Variants in CACNA1A observed in about 807,000 individuals in gnomAD.
The protein encoded by CACNA1A is voltage-dependent P/Q-type calcium channel subunit alpha-1A.
In CACNA1A, 57 loss-of-function variants were observed where a neutral mutation model predicts 262.4. The observed-to-expected ratio is 0.22, with a 90% CI of 0.18 to 0.27. CACNA1A has a LOEUF of 0.27. Among genes scored for constraint, CACNA1A ranks in the 10% least tolerant of loss-of-function variants. The pLI is 1.00. For synonymous variants in CACNA1A, 1,431 were observed against 1,419.3 expected (o/e 1.01, Z -0.18); for missense variants, 2,526 against 3,562.8 (o/e 0.71, Z 7.41).
intron 3 of CACNA1A, among the ~76,000 whole-genome samples, chr19:13,390,658 T>C (rs1249322524): frequency 6.7e-6 from 1 of 149,712 alleles, no homozygotes; most frequent in African/African-American, 2.5e-5. Context: ...CCCTGATCAA[T>C]TTTTTTTTTA....
intron 38 of CACNA1A, among the ~76,000 whole-genome samples, chr19:13,219,198 C>T (rs1381820634): frequency 3.3e-5 from 5 of 150,620 alleles, no homozygotes; most frequent in Admixed American, 1.3e-4. Context: ...CCAGCCACCA[C>T]GCCTGGCTAA....
intron 3 of CACNA1A, among the ~76,000 whole-genome samples, chr19:13,413,386 G>A (rs1489378548): frequency 2.0e-5 from 3 of 151,278 alleles, no homozygotes; most frequent in South Asian, 2.1e-4. Flanking sequence ...GATTACAGGT[G>A]TGAGCCACCG....
intron 12 of CACNA1A, among the ~76,000 whole-genome samples, chr19:13,310,517 G>GT (rs2058011744): frequency 2.4e-5 from 2 of 83,856 alleles, no homozygotes; most frequent in African/African-American, 4.8e-5. Flanking sequence ...TATATATGTA[G>GT]AGAGAGAGAG....
chr19:13,447,515 T>C (rs1599475660), intron 3 of CACNA1A, among the ~76,000 whole-genome samples: 1 of 152,164 alleles, frequency 6.6e-6, no homozygotes, highest in East Asian at 1.9e-4. Context: ...ACAGGATAGA[T>C]GTATATATGA....
intron 18 of CACNA1A, among the ~76,000 whole-genome samples, chr19:13,299,809 C>A (rs189562819): frequency 6.6e-6 from 1 of 152,290 alleles, no homozygotes; most frequent in East Asian, 1.9e-4. Flanking sequence ...CAGTCCCCAA[C>A]CTTTTTGGCA....
At chr19:13,335,940 G>A in intron 6 of CACNA1A, 31 bp from the exon 7 acceptor site, 1 of 1,325,816 alleles carries the variant, frequency 7.5e-7, no homozygotes, top group South Asian at 1.2e-5. Context: ...AAGCAGGTGA[G>A]AGTTGACTGG....
At position 13,213,672 on chromosome 19, in the gene CACNA1A, C is replaced by CTTTTTTTTTT. The variant is rs3050829; in HGVS notation, c.5940+551_5940+560dup. Reference sequence around the variant, plus strand: ...CCACATGATGTGTCCTTGGCAAGAACTTTTTTTTTTTTTTTTTTTTTTTTT... The same window carrying CTTTTTTTTTT: ...CCACATGATGTGTCCTTGGCAAGAACTTTTTTTTTTTTTTTTTTTTTTTTTTTTTTTTTTT... On this transcript the variant is annotated intron_variant, in intron 40 of 46. Transcript: ENST00000360228. 19 of 87,680 alleles carry CTTTTTTTTTT rather than the reference C, an allele frequency of 2.2e-4. 2 individuals carry two copies. Among genetic ancestry groups the CTTTTTTTTTT allele is most frequent in the African/African-American group, 6.9e-4 (15 of 21,850 alleles). The allele number at this position is 87,680 out of a possible 1,614,324, so 5.4% of individuals were successfully genotyped here.
chr19:13,406,446 C>G (rs1319190631), intron 3 of CACNA1A, among the ~76,000 whole-genome samples: 4 of 118,478 alleles, frequency 3.4e-5, no homozygotes, highest in Non-Finnish European at 6.7e-5. Context: ...CAGAGGGAGA[C>G]TCTGTCTCAA....
intron 3 of CACNA1A, among the ~76,000 whole-genome samples, chr19:13,405,434 G>A (rs1806344743): frequency 6.6e-6 from 1 of 151,998 alleles, no homozygotes; most frequent in Admixed American, 6.6e-5. Flanking sequence ...TCGAACTCCC[G>A]TGCTCAAGCA....
At chr19:13,503,415 CTTTA>C (rs1271240516) in intron 1 of CACNA1A, among the ~76,000 whole-genome samples, 1 of 151,676 alleles carries the variant, frequency 6.6e-6, no homozygotes, top group Non-Finnish European at 1.5e-5. Flanking sequence ...ATATATTAGA[CTTTA>C]TTTAAGTACC....
At chr19:13,473,921 G>A (rs1435280953) in intron 1 of CACNA1A, among the ~76,000 whole-genome samples, 1 of 152,072 alleles carries the variant, frequency 6.6e-6, no homozygotes, top group African/African-American at 2.4e-5. Flanking sequence ...GAAAGCCCCG[G>A]CCTCCCAATG....
chr19:13,253,316 CTTT>C (rs34069029), intron 29 of CACNA1A, among the ~76,000 whole-genome samples: 34 of 134,820 alleles, frequency 2.5e-4, no homozygotes, highest in Admixed American at 3.0e-4. Flanking sequence ...CTCCCCCAAC[CTTT>C]TTTTTTTTTT....
At position 13,359,813 on chromosome 19, in the gene CACNA1A, G is replaced by C; in HGVS notation, c.785-14C>G. On this transcript the variant is annotated splice_polypyrimidine_tract_variant and intron_variant, in intron 5 of 46. Coordinates refer to ENST00000360228, the MANE Select transcript of CACNA1A (RefSeq NM_001127222.2). ...CCTGAATGTCATCTACAAAAGGGAA[G>C]GGGAGAAAAGTCAGGGGAAGGAGCA... 1 of 1,490,924 alleles carries C rather than the reference G, an allele frequency of 6.7e-7. No individual in the cohort carries two copies. Among genetic ancestry groups the C allele is most frequent in the Non-Finnish European group, 9.0e-7 (1 of 1,112,034 alleles). The allele number at this position is 1,490,924 out of a possible 1,614,324, so 92.4% of individuals were successfully genotyped here.
At chr19:13,433,123 C>T (rs555890313) in intron 3 of CACNA1A, among the ~76,000 whole-genome samples, 23 of 151,870 alleles carry the variant, frequency 1.5e-4, no homozygotes, top group Non-Finnish European at 3.2e-4. Context: ...GAAACCCCGT[C>T]TCTACTAAAA....
chr19:13,261,342 G>T (rs2056729883), intron 26 of CACNA1A, 108 bp downstream of exon 26: 1 of 974,462 alleles, frequency 1.0e-6, no homozygotes, highest in Non-Finnish European at 1.5e-6. Flanking sequence ...CACTTCCAAG[G>T]CTCATCACTT....
chr19:13,427,804 A>T (rs78180770), intron 3 of CACNA1A, among the ~76,000 whole-genome samples: 3 of 144,868 alleles, frequency 2.1e-5, no homozygotes, highest in South Asian at 2.2e-4. Context: ...CAAACAAACA[A>T]ACATACACAC....
At chr19:13,410,522 TTTTC>T (rs1232123420) in intron 3 of CACNA1A, among the ~76,000 whole-genome samples, 1 of 145,118 alleles carries the variant, frequency 6.9e-6, no homozygotes, top group Non-Finnish European at 1.5e-5. Flanking sequence ...GGCCTTTTTT[TTTTC>T]TTTATTCTTT....
chr19:13,207,515 A>T lies in CACNA1A; in HGVS notation c.7319T>A (p.Val2440Glu), dbSNP rs760136426. ...GGTGGCGCCCGAGGACGCGTGTCGT[A>T]CGGGGGGTGGCGCGTCGTAGGCCCC... ...MAGAYDAPPP[V>E]RHASSGATGR... Residue 2440 changes from valine to glutamate, a missense_variant, in exon 47 of 47, where the codon GTA (valine) becomes GAA (glutamate). By Grantham distance (121) the Val-to-Glu change is moderately radical (BLOSUM62 -2). This residue lies in a region of CACNA1A where 929 missense variants were observed against 868.1 expected (regional missense o/e 1.07). Coordinates refer to ENST00000360228, the MANE Select transcript of CACNA1A (RefSeq NM_001127222.2). This position sits in a 1 kb window ranked among gnomAD's most constrained non-coding sequence, Gnocchi z 5.7. 2 of 1,433,168 alleles carry T rather than the reference A, an allele frequency of 1.4e-6. No homozygotes were observed. Among genetic ancestry groups the T allele is most frequent in the South Asian group, 2.7e-5 (2 of 74,244 alleles). 88.8% of individuals were successfully genotyped at this position (1,433,168 alleles called of 1,614,324 possible).
intron 24 of CACNA1A, among the ~76,000 whole-genome samples, chr19:13,267,488 G>A (rs2056891597): frequency 6.6e-6 from 1 of 152,188 alleles, no homozygotes; most frequent in African/African-American, 2.4e-5. Flanking sequence ...GTTACCAAAG[G>A]TGAATTCACC....
Sources: allele counts gnomAD v4.1 joint callset (sites outside exome capture counted in the v4.1 genomes callset), GRCh38; gene constraint gnomAD v4.1.1; regional missense constraint gnomAD v4.1.1; non-coding constraint Gnocchi (gnomAD v3.1); transcripts MANE v1.5; gene names NCBI Gene and HGNC (gene_info 2026-07-23, HGNC 2026-07-21).